The following COL14A1 variants were observed in gnomAD, a reference collection of about 807,000 sequenced individuals.
COL14A1 encodes collagen alpha-1(XIV) chain.
Under a neutral mutation model 230.3 loss-of-function variants are expected in COL14A1, and 136 were observed. The ratio of observed to expected loss-of-function variants is 0.59; its 90% confidence interval spans 0.51 to 0.68. COL14A1 has a LOEUF of 0.68. COL14A1 is among the 30% of genes least tolerant of loss of function. COL14A1 has a pLI of 0.00. For missense variants in COL14A1, 1,976 were observed against 2,215.8 expected, an observed-to-expected ratio of 0.89 and a Z score of 2.17; for synonymous variants, 792 against 784.1, an observed-to-expected ratio of 1.01 and a Z score of -0.17.
chr8:120,141,884 A>G (rs1814927333), intron 1 of COL14A1, among the ~76,000 whole-genome samples: 2 of 152,120 alleles, frequency 1.3e-5, no homozygotes, highest in African/African-American at 4.8e-5. Context: ...ATCTTTTAAC[A>G]TTTTTTAATT....
intron 1 of COL14A1, among the ~76,000 whole-genome samples, chr8:120,127,938 C>A (rs1814397327): frequency 6.6e-6 from 1 of 152,128 alleles, no homozygotes; most frequent in Non-Finnish European, 1.5e-5. Context: ...TTATGATAGT[C>A]CATTGAGAAC....
chr8:120,163,824 A>C (rs568472162), intron 4 of COL14A1, among the ~76,000 whole-genome samples: 1 of 152,280 alleles, frequency 6.6e-6, no homozygotes, highest in South Asian at 2.1e-4. Flanking sequence ...TCTGTCTCTC[A>C]GGAGACATTC....
intron 18 of COL14A1, among the ~76,000 whole-genome samples, chr8:120,229,977 C>T (rs1818217775): frequency 6.6e-6 from 1 of 152,110 alleles, no homozygotes; most frequent in Non-Finnish European, 1.5e-5. Context: ...ACTTCCTGGG[C>T]TCATGTGATC....
chr8:120,308,805 A>G (rs1194329794), intron 36 of COL14A1, among the ~76,000 whole-genome samples: 1 of 152,228 alleles, frequency 6.6e-6, no homozygotes, highest in African/African-American at 2.4e-5. Context: ...TTCCATTTTC[A>G]ATGATTTTTC....
At chr8:120,134,701 G>A (rs1195244352) in intron 1 of COL14A1, among the ~76,000 whole-genome samples, 1 of 152,190 alleles carries the variant, frequency 6.6e-6, no homozygotes, top group Non-Finnish European at 1.5e-5. Context: ...CTAGCTGAGT[G>A]TGGTGGCTCA....
chr8:120,337,810 T>G (rs188122349), intron 42 of COL14A1, among the ~76,000 whole-genome samples: 1 of 152,356 alleles, frequency 6.6e-6, no homozygotes, highest in Admixed American at 6.5e-5. Flanking sequence ...TTTATTTTGT[T>G]TTTGTTTTAC....
At chr8:120,211,201 A>G (rs1384114864) in intron 12 of COL14A1, among the ~76,000 whole-genome samples, 1 of 152,166 alleles carries the variant, frequency 6.6e-6, no homozygotes, top group African/African-American at 2.4e-5. Context: ...AGCATTTTTC[A>G]ATGCAGGCAC....
intron 14 of COL14A1, among the ~76,000 whole-genome samples, chr8:120,222,279 T>C (rs965047638): frequency 6.6e-6 from 1 of 152,234 alleles, no homozygotes; most frequent in African/African-American, 2.4e-5. Flanking sequence ...AAATGACCTA[T>C]AATGTTATCA....
At chr8:120,213,773 C>A (rs1406026806) in intron 13 of COL14A1, among the ~76,000 whole-genome samples, 1 of 152,142 alleles carries the variant, frequency 6.6e-6, no homozygotes, top group Non-Finnish European at 1.5e-5. Context: ...AAAATGATAT[C>A]CTAGATACTT....
intron 26 of COL14A1, among the ~76,000 whole-genome samples, chr8:120,276,839 A>AT (rs1049152853): frequency 1.3e-5 from 2 of 151,102 alleles, no homozygotes; most frequent in East Asian, 1.9e-4. Flanking sequence ...TATAATAATA[A>AT]AAAAAAATAA....
chr8:120,135,192 GAC>G (rs771433544), intron 1 of COL14A1, among the ~76,000 whole-genome samples: 16 of 152,148 alleles, frequency 1.1e-4, no homozygotes, highest in Non-Finnish European at 1.9e-4. Context: ...TGGAAAAATA[GAC>G]ACATATACTT....
chr8:120,177,318 T>C (rs1816311990), intron 5 of COL14A1, among the ~76,000 whole-genome samples: 1 of 152,132 alleles, frequency 6.6e-6, no homozygotes, highest in Admixed American at 6.6e-5. Flanking sequence ...GGCCTCAGAA[T>C]TCTATGAACT....
chr8:120,130,707 A>T (rs1814499722), intron 1 of COL14A1, among the ~76,000 whole-genome samples: 2 of 152,248 alleles, frequency 1.3e-5, no homozygotes, highest in African/African-American at 4.8e-5. Flanking sequence ...AGCCTGGATG[A>T]AATGGATTCT....
intron 35 of COL14A1, 134 bp from the exon 36 acceptor site, chr8:120,300,598 T>A: frequency 4.3e-6 from 3 of 692,314 alleles, no homozygotes; most frequent in Non-Finnish European, 7.5e-6. Flanking sequence ...TAATCAGGAG[T>A]GAATATTCTC....
chr8:120,336,035 T>A (rs1291137015), intron 42 of COL14A1, among the ~76,000 whole-genome samples: 2 of 152,226 alleles, frequency 1.3e-5, no homozygotes, highest in Non-Finnish European at 2.9e-5. Context: ...AGTTTCCTAA[T>A]TCATTCATTT....
At chr8:120,278,643 A>G in intron 28 of COL14A1, 65 bp downstream of exon 28, 1 of 1,492,582 alleles carries the variant, frequency 6.7e-7, no homozygotes, top group Non-Finnish European at 9.1e-7. Flanking sequence ...CTAAATACAA[A>G]TTTATAGGCT....
intron 6 of COL14A1, 111 bp from the exon 7 acceptor site, chr8:120,197,700 T>TA (rs1586757890): frequency 1.7e-6 from 2 of 1,165,144 alleles, no homozygotes; most frequent in Admixed American, 2.4e-5. Flanking sequence ...CAGGCCAAAA[T>TA]AAAAAATTTT....
chr8:120,283,842 T>A, intron 32 of COL14A1, 64 bp downstream of exon 32: 1 of 1,428,106 alleles, frequency 7.0e-7, no homozygotes, highest in Non-Finnish European at 9.5e-7. Context: ...TGGCATGCCA[T>A]TTTGCCTGTT....
intron 33 of COL14A1, among the ~76,000 whole-genome samples, chr8:120,287,728 A>T (rs960460687): frequency 1.3e-5 from 2 of 152,308 alleles, no homozygotes; most frequent in African/African-American, 2.4e-5. Context: ...AAGGAAAAAA[A>T]TTCAAAAAAG....
Sources: gnomAD v4.1 joint callset for allele counts (sites outside exome capture counted in the v4.1 genomes callset) on GRCh38, gnomAD v4.1.1 for gene constraint, MANE v1.5 for transcripts, NCBI Gene and HGNC (gene_info 2026-07-23, HGNC 2026-07-21) for gene names.